NTN1: variants seen among roughly 807,000 people sequenced by gnomAD.
NTN1 encodes netrin-1.
Under a neutral mutation model 54.2 loss-of-function variants are expected in NTN1, and 11 were observed. The ratio of observed to expected loss-of-function variants is 0.20; its 90% CI spans 0.13 to 0.34. NTN1 has a LOEUF of 0.34. NTN1 is among the 10% of genes least tolerant of loss of function. The pLI, the probability that NTN1 is intolerant of heterozygous loss-of-function variation, is 1.00. For missense variants in NTN1, 740 were observed against 893.1 expected (o/e 0.83, Z 2.18); for synonymous variants, 371 against 382.0 (o/e 0.97, Z 0.33).
At chr17:9,027,096 G>A (rs1347985241) in intron 2 of NTN1, among the ~76,000 whole-genome samples, 2 of 152,130 alleles carry the variant, frequency 1.3e-5, no homozygotes, top group Non-Finnish European at 2.9e-5. Flanking sequence ...TGGCAAGAGA[G>A]GGAGGTTATA....
intron 2 of NTN1, among the ~76,000 whole-genome samples, chr17:9,157,049 C>T (rs1207129515): frequency 2.0e-5 from 3 of 148,388 alleles, no homozygotes; most frequent in African/African-American, 7.4e-5. Context: ...ACCTTTTCAT[C>T]CTTCCATTCA....
At chr17:9,155,889 A>G (rs889794892) in intron 2 of NTN1, among the ~76,000 whole-genome samples, 1 of 152,122 alleles carries the variant, frequency 6.6e-6, no homozygotes, top group Non-Finnish European at 1.5e-5. Flanking sequence ...CTCCCCAGTC[A>G]TGATAACCAA....
At chr17:9,178,358 T>C (rs8077466) in intron 3 of NTN1, among the ~76,000 whole-genome samples, 140,082 of 152,312 alleles carry the variant, frequency 0.92, 64,544 homozygotes, top group East Asian at 1. Context: ...CCCCCAGCCC[T>C]GGGACCCTCA....
chr17:9,089,481 T>C (rs115209565), intron 2 of NTN1, among the ~76,000 whole-genome samples: 1,755 of 152,220 alleles, frequency 0.012, 37 homozygotes, highest in African/African-American at 0.04. Context: ...TATACCTTGT[T>C]AAACACATTA....
At chr17:9,137,296 C>A (rs947225201) in intron 2 of NTN1, among the ~76,000 whole-genome samples, 7 of 152,196 alleles carry the variant, frequency 4.6e-5, no homozygotes, top group African/African-American at 1.7e-4. Context: ...TTCCCACCCC[C>A]ACCCCATGCC....
intron 2 of NTN1, among the ~76,000 whole-genome samples, chr17:9,136,531 T>C (rs532909588): frequency 2.0e-5 from 3 of 151,936 alleles, no homozygotes; most frequent in South Asian, 2.1e-4. Context: ...GAGCCAAGAT[T>C]GCACCACTGC....
At chr17:9,060,510 G>A (rs1809879288) in intron 2 of NTN1, among the ~76,000 whole-genome samples, 1 of 152,168 alleles carries the variant, frequency 6.6e-6, no homozygotes, top group South Asian at 2.1e-4. Flanking sequence ...CTCCTGTGTT[G>A]TTCAGAGGTC....
intron 2 of NTN1, among the ~76,000 whole-genome samples, chr17:9,078,457 C>T (rs1208887894): frequency 3.3e-5 from 5 of 152,178 alleles, no homozygotes; most frequent in East Asian, 3.9e-4. Context: ...TCCTGTCCCC[C>T]GGAATCTCTG....
At chr17:9,031,734 C>T (rs1025286300) in intron 2 of NTN1, among the ~76,000 whole-genome samples, 3 of 152,030 alleles carry the variant, frequency 2.0e-5, no homozygotes, top group African/African-American at 7.2e-5. Context: ...TATTTGAGGT[C>T]GGGAGTTCGA....
At chr17:9,201,603 A>G (rs888288872) in intron 5 of NTN1, among the ~76,000 whole-genome samples, 1 of 152,196 alleles carries the variant, frequency 6.6e-6, no homozygotes, top group Admixed American at 6.5e-5. Flanking sequence ...TGTAGGAGAA[A>G]GCTGGTTAGT....
intron 2 of NTN1, among the ~76,000 whole-genome samples, chr17:9,115,400 TC>T (rs1463130023): frequency 5.3e-5 from 8 of 152,232 alleles, no homozygotes; most frequent in Admixed American, 5.2e-4. Context: ...CCCGGGGGTC[TC>T]CTGCTCACCA....
chr17:9,213,192 C>T (rs918484958), intron 5 of NTN1, among the ~76,000 whole-genome samples: 2 of 152,228 alleles, frequency 1.3e-5, no homozygotes, highest in Non-Finnish European at 2.9e-5. Flanking sequence ...GCGAGCCAGG[C>T]AGATGGTGGC....
At chr17:9,217,095 C>T (rs1905232909) in intron 5 of NTN1, among the ~76,000 whole-genome samples, 1 of 152,088 alleles carries the variant, frequency 6.6e-6, no homozygotes, top group African/African-American at 2.4e-5. Flanking sequence ...TACTGCTGTC[C>T]TTCTGGTCCC....
intron 5 of NTN1, among the ~76,000 whole-genome samples, chr17:9,197,003 C>T (rs1311115009): frequency 6.6e-6 from 1 of 151,892 alleles, no homozygotes; most frequent in Admixed American, 6.6e-5. Context: ...AATATTTACA[C>T]TTCGGAAGTT....
Position 9,243,190 on chromosome 17 carries a change from TTCTG to T in NTN1, c.*3225_*3228del, listed in dbSNP as rs1906281328. The stretch of plus-strand genomic sequence containing the variant: ...GCTGGCTGTGGTCTCTGCCCACTGC[TTCTG>T]TCCTTGGAAAGCAGGGCAGGAGGCA... On this transcript the variant is annotated 3_prime_UTR_variant, in exon 7 of 7. Transcript: ENST00000173229. 6.6e-6 allele frequency: 1 copy of T among 152,150 alleles called. No individual in the cohort carries two copies. The highest frequency in any genetic ancestry group is 2.1e-4 in the South Asian group (1 of 4,826). The allele number at this position is 152,150 out of a possible 1,614,324, so 9.4% of individuals were successfully genotyped here.
At chr17:9,049,078 A>C (rs1363982575) in intron 2 of NTN1, among the ~76,000 whole-genome samples, 1 of 152,232 alleles carries the variant, frequency 6.6e-6, no homozygotes, top group African/African-American at 2.4e-5. Flanking sequence ...GTGTACACAG[A>C]GTTTTAAGAA....
At chr17:9,054,162 A>G (rs2091970296) in intron 2 of NTN1, among the ~76,000 whole-genome samples, 1 of 152,212 alleles carries the variant, frequency 6.6e-6, no homozygotes, top group South Asian at 2.1e-4. Flanking sequence ...TCTCCCAGAG[A>G]AAGAACCTAG....
At chr17:9,008,687 T>A in the NTN1 span, among the ~76,000 whole-genome samples, 1,290 of 152,236 alleles carry the variant, frequency 8.5e-3, 15 homozygotes, top group Middle Eastern at 0.034. Context: ...CTGCATATGG[T>A]TTTTTACTCA....
intron 2 of NTN1, among the ~76,000 whole-genome samples, chr17:9,038,258 T>G (rs57669224): frequency 0.054 from 1,494 of 27,852 alleles, 37 homozygotes; most frequent in African/African-American, 0.099. Context: ...CCTCTCTTTC[T>G]CTCTCTCCAC....
Sources: gnomAD v4.1 joint callset for allele counts (sites outside exome capture counted in the v4.1 genomes callset) on GRCh38, gnomAD v4.1.1 for gene constraint, MANE v1.5 for transcripts, NCBI Gene and HGNC (gene_info 2026-07-23, HGNC 2026-07-21) for gene names.